Variants in SNTG1 observed in about 807,000 individuals in gnomAD.
SNTG1 encodes the protein gamma-1-syntrophin.
SNTG1 carries 39 observed loss-of-function variants against 74.7 expected under a neutral mutation model. The observed-to-expected ratio is 0.52, with a 90% CI of 0.40 to 0.68. The LOEUF (loss-of-function observed/expected upper bound fraction) is 0.68, where lower values mean the gene tolerates loss of function less well. Ranked by LOEUF, SNTG1 falls within the 30% of genes least tolerant of loss-of-function variation. The pLI is 0.00. For missense variants in SNTG1, 685 were observed against 609.5 expected, an observed-to-expected ratio of 1.12 and a Z score of -1.30; for synonymous variants, 254 against 217.1, an observed-to-expected ratio of 1.17 and a Z score of -1.49.
chr8:49,941,155 T>C (rs1808649043), intron 1 of SNTG1, among the ~76,000 whole-genome samples: 1 of 152,024 alleles, frequency 6.6e-6, no homozygotes, highest in African/African-American at 2.4e-5. Context: ...GAGTGGGTGG[T>C]TTCACAAAGG....
At chr8:50,017,358 G>T (rs146687057) in intron 1 of SNTG1, among the ~76,000 whole-genome samples, 154 of 151,976 alleles carry the variant, frequency 1.0e-3, no homozygotes, top group African/African-American at 3.5e-3. Flanking sequence ...GATGAATAAA[G>T]AAATTTTTAA....
rs546564995 is a variant in SNTG1 at position 50,484,117 on chromosome 8, T to G, written c.364-18661T>G. Among the ~76,000 whole-genome samples, 6 of 111,006 alleles carry G rather than the reference T, an allele frequency of 5.4e-5. No individual in the cohort carries two copies. In the South Asian group the frequency reaches 2.0e-3, roughly 38 times the overall value. The allele number at this position is 111,006 out of a possible 152,430, so 72.8% of individuals were successfully genotyped here. Reference sequence around the variant, plus strand: ...CTTTCTTTCTCTCTTTCTTTCTTTCTTTCTTTCTTTCTTTCTTTCCTTCTT... The same window carrying G: ...CTTTCTTTCTCTCTTTCTTTCTTTCGTTCTTTCTTTCTTTCTTTCCTTCTT... On this transcript the variant is annotated intron_variant, in intron 8 of 18. Transcript: ENST00000642720.
chr8:50,766,040 T>G (rs1446703084), intron 18 of SNTG1, among the ~76,000 whole-genome samples: 1 of 151,966 alleles, frequency 6.6e-6, no homozygotes, highest in African/African-American at 2.4e-5. Flanking sequence ...TGTAAACTGC[T>G]GCTAAATTAT....
chr8:50,605,932 T>C (rs2094808875), intron 13 of SNTG1, among the ~76,000 whole-genome samples: 1 of 152,200 alleles, frequency 6.6e-6, no homozygotes. Flanking sequence ...TGTCTGTTGA[T>C]TGGTATATGT....
At chr8:50,125,136 A>G (rs1484275806) in intron 1 of SNTG1, among the ~76,000 whole-genome samples, 1 of 142,254 alleles carries the variant, frequency 7.0e-6, no homozygotes, top group East Asian at 2.0e-4. Context: ...GTGAATACAA[A>G]GCAATTACAG....
At chr8:50,419,357 CTG>C (rs1417315433) in intron 4 of SNTG1, among the ~76,000 whole-genome samples, 1 of 152,216 alleles carries the variant, frequency 6.6e-6, no homozygotes, top group Non-Finnish European at 1.5e-5. Context: ...CCAGGCTGCA[CTG>C]ATGTTCTCCA....
At chr8:50,351,600 AAC>A (rs1378548915) in intron 2 of SNTG1, among the ~76,000 whole-genome samples, 2 of 152,338 alleles carry the variant, frequency 1.3e-5, no homozygotes, top group East Asian at 3.9e-4. Flanking sequence ...ATCACAGTAA[AAC>A]ACACATGCTG....
At chr8:50,314,827 A>G (rs59797774) in intron 2 of SNTG1, among the ~76,000 whole-genome samples, 1 of 149,390 alleles carries the variant, frequency 6.7e-6, no homozygotes, top group East Asian at 2.0e-4. Context: ...CCAACTCTGC[A>G]TTTGGCTTAT....
chr8:50,677,283 CAT>C (rs1267470441), intron 15 of SNTG1, among the ~76,000 whole-genome samples: 1 of 151,912 alleles, frequency 6.6e-6, no homozygotes, highest in Non-Finnish European at 1.5e-5. Flanking sequence ...ATCTACCTAT[CAT>C]ATGCAAATAA....
intron 4 of SNTG1, among the ~76,000 whole-genome samples, chr8:50,436,105 T>C (rs1245749356): frequency 6.6e-6 from 1 of 152,210 alleles, no homozygotes; most frequent in African/African-American, 2.4e-5. Context: ...GGATGGCATT[T>C]GCTGCTTAAA....
At chr8:50,703,061 C>T (rs559970992) in intron 15 of SNTG1, among the ~76,000 whole-genome samples, 4 of 152,184 alleles carry the variant, frequency 2.6e-5, no homozygotes, top group Middle Eastern at 3.4e-3. Context: ...TACTATACAG[C>T]ACTATAGACT....
chr8:50,246,158 G>A (rs1006875745), intron 2 of SNTG1, among the ~76,000 whole-genome samples: 1 of 150,846 alleles, frequency 6.6e-6, no homozygotes, highest in South Asian at 2.1e-4. Flanking sequence ...TGGGTAAGTA[G>A]ATATTGTCTG....
chr8:50,496,700 A>G (rs1404213059), intron 8 of SNTG1, among the ~76,000 whole-genome samples: 1 of 152,128 alleles, frequency 6.6e-6, no homozygotes, highest in East Asian at 1.9e-4. Flanking sequence ...TCTCTTTTCT[A>G]TTCTTATTGA....
intron 2 of SNTG1, among the ~76,000 whole-genome samples, chr8:50,325,329 A>G (rs1426936503): frequency 6.6e-6 from 1 of 151,936 alleles, no homozygotes; most frequent in Non-Finnish European, 1.5e-5. Flanking sequence ...ACATCTTGAC[A>G]ATTGAGTCTA....
chr8:50,272,897 T>G (rs1300813204), intron 2 of SNTG1, among the ~76,000 whole-genome samples: 1 of 119,418 alleles, frequency 8.4e-6, no homozygotes, highest in African/African-American at 3.0e-5. Context: ...CCACCATGCC[T>G]GGATACTTAA....
At chr8:49,998,475 C>G (rs887335234) in intron 1 of SNTG1, among the ~76,000 whole-genome samples, 1 of 152,090 alleles carries the variant, frequency 6.6e-6, no homozygotes, top group Admixed American at 6.6e-5. Context: ...GCTTAACACA[C>G]AGACACATTA....
chr8:50,224,783 ACT>A (rs2085245166), intron 2 of SNTG1, among the ~76,000 whole-genome samples: 1 of 152,058 alleles, frequency 6.6e-6, no homozygotes, highest in Non-Finnish European at 1.5e-5. Flanking sequence ...AACAAAGCAG[ACT>A]CTGTAGCAAT....
rs887033869 is a variant in SNTG1 at position 50,313,416 on chromosome 8, T to A, written c.-27-80796T>A. On this transcript the variant is annotated intron_variant, in intron 2 of 18. Coordinates refer to ENST00000642720, the MANE Select transcript of SNTG1 (RefSeq NM_018967.5). Reference sequence around the variant, plus strand: ...AGAAAAATATTTGCAAATTGTATGCTGATAAGGGGTTAATATTCAAAATAT... The same window carrying A: ...AGAAAAATATTTGCAAATTGTATGCAGATAAGGGGTTAATATTCAAAATAT... 3.3e-5 allele frequency among the ~76,000 whole-genome samples: 5 copies of A among 149,678 alleles called. 1 individual carries two copies. Among genetic ancestry groups the A allele is most frequent in the African/African-American group, 1.2e-4 (5 of 40,040 alleles).
At position 50,752,160 on chromosome 8, in the gene SNTG1, A is replaced by G. The variant is rs750927896; in HGVS notation, c.1395+49A>G. On this transcript the variant is annotated intron_variant, in intron 18 of 18. Transcript: ENST00000642720. ...TAACACCTCTAACTACATTAATGCC[A>G]TTAAGGAACAAAGAGGGGAAACTTT... 4.8e-6 allele frequency: 5 copies of G among 1,033,192 alleles called. No homozygotes were observed. In the African/African-American group the frequency reaches 6.7e-5, roughly 14 times the overall value. The allele number at this position is 1,033,192 out of a possible 1,614,324, so 64.0% of individuals were successfully genotyped here.
Sources: allele counts gnomAD v4.1 joint callset (sites outside exome capture counted in the v4.1 genomes callset), GRCh38; gene constraint gnomAD v4.1.1; transcripts MANE v1.5; gene names NCBI Gene and HGNC (gene_info 2026-07-23, HGNC 2026-07-21).